The following RNF32 variants were observed in gnomAD, a reference collection of about 807,000 sequenced individuals.
RNF32 encodes the protein ring finger protein 32.
RNF32 carries 36 observed loss-of-function variants against 41.0 expected under a neutral mutation model. The observed-to-expected ratio is 0.88, with a 90% CI of 0.67 to 1.16. The LOEUF (loss-of-function observed/expected upper bound fraction) is 1.16, where lower values mean the gene tolerates loss of function less well. Among genes scored for constraint, RNF32 ranks in the 50% most tolerant of loss-of-function variants. RNF32 has a pLI of 0.00. For synonymous variants in RNF32, 154 were observed against 160.9 expected, an observed-to-expected ratio of 0.96 and a Z score of 0.32; for missense variants, 413 against 436.7, an observed-to-expected ratio of 0.95 and a Z score of 0.48.
intron 7 of RNF32, among the ~76,000 whole-genome samples, chr7:156,671,320 CGCGAACAGTGTGTGT>C (rs1376462603): frequency 1.3e-5 from 2 of 152,096 alleles, no homozygotes; most frequent in Non-Finnish European, 2.9e-5. Context: ...TGCCTGAAAA[CGCGAACAGTGTGTGT>C]GTGAGTGTGG....
At chr7:156,642,239 A>C (rs536640862) in intron 1 of RNF32, among the ~76,000 whole-genome samples, 1 of 152,326 alleles carries the variant, frequency 6.6e-6, no homozygotes, top group South Asian at 2.1e-4. Flanking sequence ...AATTGATATA[A>C]ATAAGAGGAA....
intron 7 of RNF32, among the ~76,000 whole-genome samples, chr7:156,666,739 C>T (rs1158620105): frequency 6.6e-6 from 1 of 152,166 alleles, no homozygotes; most frequent in Admixed American, 6.5e-5. Flanking sequence ...TCTACTAATA[C>T]CTAGCACCGG....
chr7:156,661,509 C>G (rs891474944), intron 7 of RNF32, among the ~76,000 whole-genome samples: 43 of 152,072 alleles, frequency 2.8e-4, no homozygotes, highest in Admixed American at 2.8e-3. Context: ...TTAGTAGACA[C>G]AGGGATTCCC....
At chr7:156,650,906 A>T (rs1235922866) in intron 3 of RNF32, among the ~76,000 whole-genome samples, 2 of 152,102 alleles carry the variant, frequency 1.3e-5, no homozygotes, top group Non-Finnish European at 2.9e-5. Flanking sequence ...TCCATCTAGA[A>T]AACCTCCCCC....
In RNF32 at chr7:156,675,724, G is replaced by A. The variant is rs1803789171; in HGVS notation, c.713G>A (p.Cys238Tyr). The A allele has an allele frequency of 6.2e-7, 1 of 1,613,346 alleles. No homozygotes were observed. The highest frequency in any genetic ancestry group is 1.1e-5 in the South Asian group (1 of 91,038). Reference protein sequence around the residue: ...KFTEISHRILCSYNTNIEELF... With the variant: ...KFTEISHRILYSYNTNIEELF... Reference sequence around the variant, plus strand: ...ACAGAAATCAGCCACCGCATCCTGTGCTCATACAACACCAACATTGAAGAG... The same window carrying A: ...ACAGAAATCAGCCACCGCATCCTGTACTCATACAACACCAACATTGAAGAG... The change falls in exon 8 of 9, where the codon TGC becomes TAC. Residue 238 changes from cysteine (C) to tyrosine (Y), a missense_variant. Physicochemically the swap from Cys to Tyr is radical, Grantham distance 194 (BLOSUM62 -2). Coordinates refer to ENST00000317955, the MANE Select transcript of RNF32 (RefSeq NM_030936.4).
intron 3 of RNF32, among the ~76,000 whole-genome samples, chr7:156,652,026 T>A (rs775559256): frequency 6.6e-6 from 1 of 152,188 alleles, no homozygotes; most frequent in Admixed American, 6.5e-5. Flanking sequence ...TCCCTCGTAG[T>A]GGCGACGCTT....
chr7:156,670,014 C>A lies in RNF32; in HGVS notation c.685-5682C>A, dbSNP rs1802126796. ...AGCTGTATGTACTTCTGTGGCCTCT[C>A]TCTCCAGTGGTCATGTAGTTTTTTT... On this transcript the variant is annotated intron_variant, in intron 7 of 8. Transcript: ENST00000317955. This position sits in a 1 kb window ranked among gnomAD's most constrained non-coding sequence, Gnocchi z 4.3. Among the ~76,000 whole-genome samples the A allele has an allele frequency of 6.6e-6, 1 of 152,356 alleles. No individual in the cohort carries two copies. Among genetic ancestry groups the A allele is most frequent in the South Asian group, 2.1e-4 (1 of 4,826 alleles).
In RNF32 at chr7:156,659,272, A is replaced by C. The variant is rs186657189; in HGVS notation, c.684+702A>C. 64 of 1,022,368 alleles carry C rather than the reference A, an allele frequency of 6.3e-5. No individual in the cohort carries two copies. The East Asian group carries it at 5.3e-3, about 85-fold the overall frequency. The allele number at this position is 1,022,368 out of a possible 1,614,324, so 63.3% of individuals were successfully genotyped here. A position where few individuals can be genotyped will look rare whatever the true frequency, so the allele number is the denominator to read the frequency against. ...TAGCATTTATAATGGCCCAGCACAC[A>C]GTAGGTGCTGGAAATTCTGTATTTA... On this transcript the variant is annotated intron_variant, in intron 7 of 8. Coordinates refer to ENST00000317955, the MANE Select transcript of RNF32 (RefSeq NM_030936.4).
chr7:156,660,291 G>C, intron 7 of RNF32: 1 of 984,090 alleles, frequency 1.0e-6, no homozygotes, highest in Non-Finnish European at 1.2e-6. Flanking sequence ...AACCTCTATT[G>C]TATGTTTAAA....
intron 5 of RNF32, 167 bp downstream of exon 5, chr7:156,657,740 T>G: frequency 1.4e-6 from 1 of 690,140 alleles, no homozygotes; most frequent in Non-Finnish European, 2.5e-6. Context: ...TTCATCCTAT[T>G]TTGAAAATCA....
chr7:156,667,097 A>G (rs1015811247), intron 7 of RNF32, among the ~76,000 whole-genome samples: 1 of 152,188 alleles, frequency 6.6e-6, no homozygotes, highest in Non-Finnish European at 1.5e-5. Flanking sequence ...TTTATCACAT[A>G]GAGATGGCAA....
chr7:156,659,648 C>T (rs1430431774), intron 7 of RNF32: 2 of 924,280 alleles, frequency 2.2e-6, no homozygotes, highest in African/African-American at 1.8e-5. Flanking sequence ...CATGTGCACA[C>T]ATCATTTTAT....
intron 7 of RNF32, among the ~76,000 whole-genome samples, chr7:156,673,793 G>T (rs777442382): frequency 2.0e-5 from 3 of 151,908 alleles, no homozygotes; most frequent in Non-Finnish European, 4.4e-5. Flanking sequence ...GCTGTCTCAC[G>T]ATCTTTTTGC....
chr7:156,651,217 T>TTC lies in RNF32; in HGVS notation c.275-3358_275-3357insCT, dbSNP rs1439870435. On this transcript the variant is annotated intron_variant, in intron 3 of 8. Coordinates refer to ENST00000317955, the MANE Select transcript of RNF32 (RefSeq NM_030936.4). Reference sequence around the variant, plus strand: ...TTCTGGTATTATTTTTAATATTTCTTTTTTTTTTTTTTTTGACACACAGTC... The same window carrying TTC: ...TTCTGGTATTATTTTTAATATTTCTTTCTTTTTTTTTTTTTTGACACACAGTC... 6.9e-5 allele frequency among the ~76,000 whole-genome samples: 9 copies of TTC among 130,518 alleles called. No individual in the cohort carries two copies. In the East Asian group the frequency reaches 2.0e-3, roughly 29 times the overall value. The allele number at this position is 130,518 out of a possible 152,430, so 85.6% of individuals were successfully genotyped here.
At chr7:156,665,402 A>G (rs1801210596) in intron 7 of RNF32, among the ~76,000 whole-genome samples, 1 of 152,204 alleles carries the variant, frequency 6.6e-6, no homozygotes, top group Non-Finnish European at 1.5e-5. Context: ...GAAACTGGAA[A>G]TCTTACAAAG....
At position 156,676,518 on chromosome 7, in the gene RNF32, G is replaced by A. The variant is rs1804080261; in HGVS notation, c.952G>A (p.Ala318Thr). 1 of 1,613,890 alleles carries A rather than the reference G, an allele frequency of 6.2e-7. No homozygotes were observed. Among genetic ancestry groups the A allele is most frequent in the African/African-American group, 1.3e-5 (1 of 74,914 alleles). ...VGAGRRSREM[A>T]LLSCSHVFHH... ...TGCAGGCAGGCGTTCCAGAGAGATG[G>A]CCCTCCTGTCCTGCTCACATGTGTT... Residue 318 changes from alanine (A) to threonine (T), a missense_variant, in exon 9 of 9, where the codon GCC becomes ACC. Ala to Thr is a moderately conservative substitution (Grantham distance 58, BLOSUM62 0). Transcript: ENST00000317955.
intron 7 of RNF32, among the ~76,000 whole-genome samples, chr7:156,665,670 CCT>C (rs150167581): frequency 0.018 from 2,816 of 152,278 alleles, 84 homozygotes; most frequent in African/African-American, 0.065. Flanking sequence ...CGTCAGCTCC[CCT>C]GACTCTCTGT....
At chr7:156,666,010 G>A (rs1408458205) in intron 7 of RNF32, among the ~76,000 whole-genome samples, 1 of 152,192 alleles carries the variant, frequency 6.6e-6, no homozygotes, top group Admixed American at 6.5e-5. Flanking sequence ...TTGGCTGGCA[G>A]ATAGGTGAAA....
intron 7 of RNF32, chr7:156,660,020 C>G (rs942847681): frequency 3.0e-6 from 3 of 985,394 alleles, no homozygotes; most frequent in Non-Finnish European, 3.6e-6. Flanking sequence ...ACGTTGGGTC[C>G]GCTGCCCTGT....
Sources: allele counts gnomAD v4.1 joint callset (sites outside exome capture counted in the v4.1 genomes callset), GRCh38; gene constraint gnomAD v4.1.1; non-coding constraint Gnocchi (gnomAD v3.1); transcripts MANE v1.5; gene names NCBI Gene and HGNC (gene_info 2026-07-23, HGNC 2026-07-21).